The following DNMBP variants were observed in gnomAD, a reference collection of about 807,000 sequenced individuals.
DNMBP encodes dynamin binding protein.
In DNMBP, 87 loss-of-function variants were observed where a neutral mutation model predicts 150.0. The ratio of observed to expected loss-of-function variants is 0.58; its 90% CI spans 0.49 to 0.69. DNMBP has a LOEUF of 0.69. DNMBP is among the 30% of genes least tolerant of loss of function. The probability of loss-of-function intolerance (pLI) is 0.00; values close to 1 mark genes in which losing one functional copy is unlikely to be tolerated. For missense variants in DNMBP, 1,774 were observed against 1,949.0 expected, an observed-to-expected ratio of 0.91 and a Z score of 1.69; for synonymous variants, 711 against 750.4, an observed-to-expected ratio of 0.95 and a Z score of 0.86.
At chr10:99,908,203 TTTC>T in intron 5 of DNMBP, 109 bp from the exon 6 acceptor site, 1 of 747,098 alleles carries the variant, frequency 1.3e-6, no homozygotes, top group South Asian at 1.6e-5. Flanking sequence ...TCAAGGTCAC[TTTC>T]TTCACTCACT....
chr10:99,884,010 C>T lies in DNMBP; in HGVS notation c.3997+1G>A, dbSNP rs1431465029. On this transcript the variant is annotated splice_donor_variant, in intron 15 of 16. Transcript: ENST00000324109. LOFTEE classifies it high-confidence loss of function. ...AGTCCTCTGCTGCTTAAAATTCTTACCTCCATTGTCAATCAGCCAGCGGTT... is the reference window on the plus strand; with the variant it reads ...AGTCCTCTGCTGCTTAAAATTCTTATCTCCATTGTCAATCAGCCAGCGGTT... The T allele has an allele frequency of 1.2e-6, 2 of 1,613,636 alleles. No homozygotes were observed. The highest frequency in any genetic ancestry group is 3.3e-5 in the Admixed American group (2 of 59,972).
intron 1 of DNMBP, among the ~76,000 whole-genome samples, chr10:99,972,749 T>G (rs573285474): frequency 6.6e-6 from 1 of 152,224 alleles, no homozygotes; most frequent in African/African-American, 2.4e-5. Context: ...TAGCTGGAAC[T>G]ACAGGCGCAC....
Position 99,885,818 on chromosome 10 carries a change from C to T in DNMBP, c.3667G>A (p.Glu1223Lys), listed in dbSNP as rs374602494. The change falls in exon 14 of 17, where the codon GAA becomes AAA. Residue 1223 changes from glutamate (E) to lysine (K), a missense_variant. By Grantham distance (56) the Glu-to-Lys change is moderately conservative. Coordinates refer to ENST00000324109, the MANE Select transcript of DNMBP (RefSeq NM_015221.4). ...TGCTGCAGAACTCTGCTGTGCTCTT[C>T]GTGGAAGATGGCAATAAGGTTTCCC... ...REGNLIAIFH[E>K]EHSRVLQQLQ... The T allele has an allele frequency of 1.9e-5, 30 of 1,613,112 alleles. No individual in the cohort carries two copies. The East Asian group carries it at 2.2e-4, about 12-fold the overall frequency.
chr10:99,899,760 CACATGGACAAAAAT>C (rs2039711766), intron 7 of DNMBP, 145 bp downstream of exon 7: 1 of 857,474 alleles, frequency 1.2e-6, no homozygotes, highest in East Asian at 2.6e-5. Context: ...AAAACTTATT[CACATGGACAAAAAT>C]ACAATCAGGA....
At position 99,876,887 on chromosome 10, in the gene DNMBP, G is replaced by T; in HGVS notation, c.*264C>A. ...GCAAGTTTCTCCTTTCCAAAAGCCA[G>T]CTCTAAGACTTGTCTCTCTTCTCAT... On this transcript the variant is annotated 3_prime_UTR_variant, in exon 17 of 17. Transcript: ENST00000324109. 1 of 368,390 alleles carries T rather than the reference G, an allele frequency of 2.7e-6. No individual in the cohort carries two copies. The highest frequency in any genetic ancestry group is 4.8e-6 in the Non-Finnish European group (1 of 206,872). 22.8% of individuals were successfully genotyped at this position (368,390 alleles called of 1,614,324 possible).
At chr10:99,922,529 A>G (rs79388259) in intron 4 of DNMBP, among the ~76,000 whole-genome samples, 1 of 4,298 alleles carries the variant, frequency 2.3e-4, no homozygotes. Context: ...TTTTTTCTTA[A>G]AAAAAAAAAA....
chr10:99,883,638 C>CAAAAAAAAAAAAA (rs71009782), intron 15 of DNMBP, among the ~76,000 whole-genome samples: 18 of 65,610 alleles, frequency 2.7e-4, no homozygotes, highest in African/African-American at 9.0e-4. Context: ...AAGACTGCCA[C>CAAAAAAAAAAAAA]AAAAAAAAAA....
intron 1 of DNMBP, among the ~76,000 whole-genome samples, chr10:99,996,454 C>G (rs1045246729): frequency 1.3e-5 from 2 of 152,098 alleles, no homozygotes; most frequent in African/African-American, 4.8e-5. Flanking sequence ...CAGGAGGCAG[C>G]GGTTGCAGTG....
At chr10:99,990,418 G>A (rs61871664) in intron 1 of DNMBP, among the ~76,000 whole-genome samples, 5,550 of 151,984 alleles carry the variant, frequency 0.037, 100 homozygotes, top group South Asian at 0.087. Context: ...TGGGCATGGT[G>A]GCGTGCAACC....
chr10:99,877,727 G>A (rs1208147524), intron 16 of DNMBP, among the ~76,000 whole-genome samples: 2 of 152,030 alleles, frequency 1.3e-5, no homozygotes, highest in Non-Finnish European at 2.9e-5. Flanking sequence ...AGCCGGGCGT[G>A]GTGGCACACA....
intron 6 of DNMBP, among the ~76,000 whole-genome samples, chr10:99,906,907 A>G (rs989595491): frequency 1.3e-5 from 2 of 152,250 alleles, no homozygotes; most frequent in Admixed American, 1.3e-4. Flanking sequence ...TGGATAACCA[A>G]TAAGTTCCCT....
intron 1 of DNMBP, among the ~76,000 whole-genome samples, chr10:99,994,431 G>A (rs920112449): frequency 5.3e-5 from 8 of 152,138 alleles, no homozygotes; most frequent in Non-Finnish European, 1.0e-4. Flanking sequence ...TCACCCAGGC[G>A]GAGGGGAACA....
At chr10:99,997,336 A>T (rs942924596) in intron 1 of DNMBP, among the ~76,000 whole-genome samples, 1 of 152,176 alleles carries the variant, frequency 6.6e-6, no homozygotes, top group African/African-American at 2.4e-5. Context: ...ATTCCTTCTG[A>T]GGCAGAATGT....
rs775292987 is a variant in DNMBP at position 99,969,143 on chromosome 10, T to C, written c.240A>G (p.Gln80=). The C allele has an allele frequency of 3.1e-6, 5 of 1,614,002 alleles. No homozygotes were observed. The South Asian group carries it at 4.4e-5, about 14-fold the overall frequency. The change falls in exon 3 of 17, where the codon CAA becomes CAG. Residue 80 remains glutamine, a synonymous_variant. Transcript: ENST00000324109. The part of the protein sequence containing the change: ...LFVCICEFTS[Q]ELDNLPLHRG... ...GATGGAGGGGAAGATTATCCAACTC[T>C]TGGGATGTGAATTCACAAATGCACA...
At chr10:99,897,607 C>T (rs1161536369) in intron 9 of DNMBP, among the ~76,000 whole-genome samples, 1 of 152,192 alleles carries the variant, frequency 6.6e-6, no homozygotes, top group Non-Finnish European at 1.5e-5. Flanking sequence ...ATATACCATA[C>T]TTCCGCTTTT....
intron 1 of DNMBP, among the ~76,000 whole-genome samples, chr10:100,001,820 T>C (rs2133389711): frequency 6.6e-6 from 1 of 152,296 alleles, no homozygotes; most frequent in Middle Eastern, 3.4e-3. Flanking sequence ...GGTGACAACC[T>C]GGGAGGACTG....
rs78782465 is a variant in DNMBP, at chr10:99,995,957, A to C, written c.-11+13881T>G. ...GTGGACACATTATTACAGTACAATT[A>C]CATTTACAGACTGCTTTTCAAATAC... is the stretch of plus-strand genomic sequence containing the variant. On this transcript the variant is annotated intron_variant, in intron 1 of 16. Transcript: ENST00000324109. 8.1e-3 allele frequency among the ~76,000 whole-genome samples: 1,233 copies of C among 152,330 alleles called. 19 individuals carry two copies. Among genetic ancestry groups the C allele is most frequent in the African/African-American group, 0.028 (1,180 of 41,568 alleles).
chr10:99,894,947 C>G lies in DNMBP; in HGVS notation c.3155G>C (p.Arg1052Pro). The G allele has an allele frequency of 6.2e-7, 1 of 1,609,724 alleles. No individual in the cohort carries two copies. The highest frequency in any genetic ancestry group is 8.5e-7 in the Non-Finnish European group (1 of 1,176,214). ...RDLSLYLQHI[R>P]ESACVKVVAA... ...AACTACAGTGATGTTGATGCTCACCCGGATGTGCTGGAGGTAGAGAGACAG... is the reference window on the plus strand; with the variant it reads ...AACTACAGTGATGTTGATGCTCACCGGGATGTGCTGGAGGTAGAGAGACAG... The change falls in exon 11 of 17, where the codon CGG (arginine) becomes CCG (proline). Residue 1052 changes from arginine (R) to proline (P), a missense_variant and splice_region_variant. Physicochemically the swap from Arg to Pro is moderately radical, Grantham distance 103. Transcript: ENST00000324109.
At chr10:99,935,846 T>C (rs1388915180) in intron 4 of DNMBP, among the ~76,000 whole-genome samples, 2 of 152,196 alleles carry the variant, frequency 1.3e-5, no homozygotes, top group East Asian at 3.9e-4. Context: ...ATTGCAGGCG[T>C]GAGCCACCGC....
Sources: gnomAD v4.1 joint callset for allele counts (sites outside exome capture counted in the v4.1 genomes callset) on GRCh38, gnomAD v4.1.1 for gene constraint, MANE v1.5 for transcripts, NCBI Gene and HGNC (gene_info 2026-07-23, HGNC 2026-07-21) for gene names.